TRIM67: variants seen among roughly 807,000 people sequenced by gnomAD.
TRIM67 encodes the protein tripartite motif-containing protein 67.
TRIM67 carries 39 observed loss-of-function variants against 71.0 expected under a neutral mutation model. The observed-to-expected ratio is 0.55, with a 90% CI of 0.43 to 0.72. TRIM67 has a LOEUF of 0.72. Ranked by LOEUF, TRIM67 falls within the 30% of genes least tolerant of loss-of-function variation. TRIM67 has a pLI of 0.00. For synonymous variants in TRIM67, 481 were observed against 473.9 expected (o/e 1.01, Z -0.19); for missense variants, 973 against 1,079.2 (o/e 0.90, Z 1.38).
At chr1:231,200,876 C>G (rs1252363643) in intron 4 of TRIM67, among the ~76,000 whole-genome samples, 5 of 152,148 alleles carry the variant, frequency 3.3e-5, no homozygotes, top group African/African-American at 1.2e-4. Context: ...GGGTGTGATG[C>G]AGTCAAGTTT....
At chr1:231,198,084 G>C (rs1057348879) in intron 2 of TRIM67, among the ~76,000 whole-genome samples, 3 of 152,230 alleles carry the variant, frequency 2.0e-5, no homozygotes, top group African/African-American at 7.2e-5. Context: ...CACTCTACGT[G>C]CCATGTCGTC....
chr1:231,179,241 G>A (rs1682836853), intron 1 of TRIM67, among the ~76,000 whole-genome samples: 1 of 152,240 alleles, frequency 6.6e-6, no homozygotes, highest in Non-Finnish European at 1.5e-5. Context: ...GCTTGTGGCA[G>A]CAGAAGTCTA....
chr1:231,203,826 G>A (rs375048778), intron 5 of TRIM67, 41 bp from the exon 6 acceptor site: 558 of 1,592,012 alleles, frequency 3.5e-4, no homozygotes, highest in Non-Finnish European at 4.5e-4. Flanking sequence ...TGGGGCCCTC[G>A]GAGGGCTTCC....
At chr1:231,214,074 C>T (rs1407539873) in intron 9 of TRIM67, 97 bp downstream of exon 9, 36 of 1,375,232 alleles carry the variant, frequency 2.6e-5, no homozygotes, top group African/African-American at 4.4e-5. Flanking sequence ...CATAAAGAAG[C>T]TGACCACAGA....
At position 231,177,343 on chromosome 1, in the gene TRIM67, T is replaced by C. The variant is rs143216261; in HGVS notation, c.1044+13330T>C. ...CCTATTGTCACAGAACTAATTCTAT[T>C]GTTGTTACAAGAGACCGGAGCTGAC... On this transcript the variant is annotated intron_variant, in intron 1 of 9. Coordinates refer to ENST00000366653, the MANE Select transcript of TRIM67 (RefSeq NM_001004342.5). Among the ~76,000 whole-genome samples the C allele has an allele frequency of 2.3e-3, 349 of 152,316 alleles. 8 individuals carry two copies. The highest frequency in any genetic ancestry group is 8.0e-3 in the African/African-American group (334 of 41,566).
At chr1:231,198,963 C>T in intron 2 of TRIM67, 84 bp from the exon 3 acceptor site, 1 of 1,586,740 alleles carries the variant, frequency 6.3e-7, no homozygotes, top group Non-Finnish European at 8.6e-7. Flanking sequence ...TGAAATATAT[C>T]TTTGTCTATA....
chr1:231,209,718 C>T lies in TRIM67; in HGVS notation c.2123+468C>T, dbSNP rs993058701. Among the ~76,000 whole-genome samples the T allele has an allele frequency of 2.0e-5, 3 of 152,190 alleles. No individual in the cohort carries two copies. Among genetic ancestry groups the T allele is most frequent in the East Asian group, 1.9e-4 (1 of 5,178 alleles). ...CCTGGTCTCATGTGGGCTTGAGCCT[C>T]GGCAGGGCCGGGCCCTTGACAGGGC... On this transcript the variant is annotated intron_variant, in intron 8 of 9. Transcript: ENST00000366653. This position sits in a 1 kb window ranked among gnomAD's most constrained non-coding sequence, Gnocchi z 4.1.
At position 231,162,817 on chromosome 1, in the gene TRIM67, G is replaced by A; in HGVS notation, c.-153G>A. ...GGGCGGTGGCTACAGGACAGAGAGA[G>A]GGGCGTGCCCCTCGGCTGTGAAGTG... On this transcript the variant is annotated 5_prime_UTR_variant, in exon 1 of 10. Coordinates refer to ENST00000366653, the MANE Select transcript of TRIM67 (RefSeq NM_001004342.5). The A allele has an allele frequency of 3.1e-6, 3 of 968,876 alleles. No homozygotes were observed. The highest frequency in any genetic ancestry group is 4.5e-6 in the Non-Finnish European group (3 of 672,196). The allele number at this position is 968,876 out of a possible 1,614,324, so 60.0% of individuals were successfully genotyped here. A position where few individuals can be genotyped will look rare whatever the true frequency, so the allele number is the denominator to read the frequency against.
At position 231,216,215 on chromosome 1, in the gene TRIM67, CCTT is replaced by C; in HGVS notation, c.*778_*780del. The C allele has an allele frequency of 5.2e-6, 5 of 958,564 alleles. No individual in the cohort carries two copies. The highest frequency in any genetic ancestry group is 6.2e-6 in the Non-Finnish European group (5 of 805,900). The allele number at this position is 958,564 out of a possible 1,614,324, so 59.4% of individuals were successfully genotyped here. A position where few individuals can be genotyped will look rare whatever the true frequency, so the allele number is the denominator to read the frequency against. Reference sequence around the variant, plus strand: ...TTTGCTCTCTCTTTCTTCCTTTCCTCCTTCTCTCTTACTTTCCTCCATCCCTGC... The same window carrying C: ...TTTGCTCTCTCTTTCTTCCTTTCCTCCTCTCTTACTTTCCTCCATCCCTGC... On this transcript the variant is annotated 3_prime_UTR_variant, in exon 10 of 10. Coordinates refer to ENST00000366653, the MANE Select transcript of TRIM67 (RefSeq NM_001004342.5).
chr1:231,172,391 A>C (rs116105205), intron 1 of TRIM67, among the ~76,000 whole-genome samples: 1,863 of 152,304 alleles, frequency 0.012, 37 homozygotes, highest in African/African-American at 0.043. Context: ...GTTTGGGACG[A>C]ATAAGGCAAG....
At chr1:231,178,981 A>G (rs1456323563) in intron 1 of TRIM67, among the ~76,000 whole-genome samples, 1 of 152,248 alleles carries the variant, frequency 6.6e-6, no homozygotes, top group Non-Finnish European at 1.5e-5. Flanking sequence ...AGTATATGCA[A>G]TATGATTTTC....
In TRIM67 at chr1:231,164,062, G is replaced by A. The variant is rs1682383781; in HGVS notation, c.1044+49G>A. On this transcript the variant is annotated intron_variant, in intron 1 of 9. Transcript: ENST00000366653. ...GCAGGTGCCAGGGAAGAGGGTACGA[G>A]GAGAAAGGCTTTTGGCCTCTCCCTT... 4 of 1,425,986 alleles carry A rather than the reference G, an allele frequency of 2.8e-6. No homozygotes were observed. The Admixed American group carries it at 7.3e-5, about 26-fold the overall frequency. 88.3% of individuals were successfully genotyped at this position (1,425,986 alleles called of 1,614,324 possible).
rs182524816 is a variant in TRIM67, at chr1:231,209,421, C to G, written c.2123+171C>G. Among the ~76,000 whole-genome samples the G allele has an allele frequency of 2.6e-4, 40 of 152,366 alleles. No homozygotes were observed. The East Asian group carries it at 3.1e-3, about 12-fold the overall frequency. Reference sequence around the variant, plus strand: ...AGGCCTTCACTCTGCCCATATAGAACTGGCCTGCAGCCCAGATGAGGGTAT... The same window carrying G: ...AGGCCTTCACTCTGCCCATATAGAAGTGGCCTGCAGCCCAGATGAGGGTAT... On this transcript the variant is annotated intron_variant, in intron 8 of 9. Transcript: ENST00000366653. The surrounding 1 kb of genome is among the most constrained non-coding windows in gnomAD (Gnocchi z 4.1).
intron 1 of TRIM67, among the ~76,000 whole-genome samples, chr1:231,188,463 A>G (rs1240793881): frequency 6.6e-6 from 1 of 152,158 alleles, no homozygotes; most frequent in Non-Finnish European, 1.5e-5. Context: ...GAGAATAAAG[A>G]TGCAGCTGGA....
chr1:231,174,687 G>A (rs976589893), intron 1 of TRIM67, among the ~76,000 whole-genome samples: 1 of 152,036 alleles, frequency 6.6e-6, no homozygotes, highest in African/African-American at 2.4e-5. Context: ...CTATGGGCCT[G>A]TGTCTCTTTT....
intron 5 of TRIM67, among the ~76,000 whole-genome samples, chr1:231,201,838 C>T (rs1226088807): frequency 1.3e-5 from 2 of 152,252 alleles, no homozygotes; most frequent in Non-Finnish European, 2.9e-5. Context: ...TCCACATGCT[C>T]AAGATGCGGT....
In TRIM67 at chr1:231,187,620, G is replaced by A. The variant is rs531621234; in HGVS notation, c.1045-9751G>A. 2.2e-4 allele frequency: 324 copies of A among 1,459,750 alleles called. 2 individuals are homozygous for A. In the East Asian group the frequency reaches 3.8e-3, roughly 17 times the overall value. The allele number at this position is 1,459,750 out of a possible 1,614,324, so 90.4% of individuals were successfully genotyped here. On this transcript the variant is annotated intron_variant, in intron 1 of 9. Transcript: ENST00000366653. ...GGTGTGAAACTCTCAGTGAAGCTTCGATTCCTGTTTTAATACACGCCCCAT... is the reference window on the plus strand; with the variant it reads ...GGTGTGAAACTCTCAGTGAAGCTTCAATTCCTGTTTTAATACACGCCCCAT...
intron 1 of TRIM67, among the ~76,000 whole-genome samples, chr1:231,192,565 A>C (rs1265623809): frequency 6.6e-6 from 1 of 152,226 alleles, no homozygotes; most frequent in Non-Finnish European, 1.5e-5. Context: ...TCTGATTTCC[A>C]CAATGCTATT....
chr1:231,165,427 G>A (rs544739580), intron 1 of TRIM67, among the ~76,000 whole-genome samples: 25 of 152,342 alleles, frequency 1.6e-4, no homozygotes, highest in African/African-American at 6.0e-4. Flanking sequence ...CTCTAGCAAA[G>A]CACCTTAAAT....
Sources: allele counts gnomAD v4.1 joint callset (sites outside exome capture counted in the v4.1 genomes callset), GRCh38; gene constraint gnomAD v4.1.1; non-coding constraint Gnocchi (gnomAD v3.1); transcripts MANE v1.5; gene names NCBI Gene and HGNC (gene_info 2026-07-23, HGNC 2026-07-21).